The following CLASP1 variants were observed in gnomAD, a reference collection of about 807,000 sequenced individuals.
CLASP1 encodes cytoplasmic linker associated protein 1, also known as CLIP-associating protein 1.
A neutral mutation model predicts 192.3 loss-of-function variants in CLASP1; 38 were observed. The observed-to-expected ratio is 0.20, with a 90% CI of 0.15 to 0.26. CLASP1 has a LOEUF of 0.26. Ranked by LOEUF, CLASP1 falls within the 10% of genes least tolerant of loss-of-function variation. The pLI, the probability that CLASP1 is intolerant of heterozygous loss-of-function variation, is 1.00. For synonymous variants in CLASP1, 691 were observed against 712.8 expected, an observed-to-expected ratio of 0.97 and a Z score of 0.49; for missense variants, 1,433 against 1,932.5, an observed-to-expected ratio of 0.74 and a Z score of 4.85.
intron 37 of CLASP1, among the ~76,000 whole-genome samples, chr2:121,359,156 A>G (rs1361770933): frequency 1.3e-5 from 2 of 152,278 alleles, no homozygotes; most frequent in African/African-American, 2.4e-5. Context: ...TATAATTAGT[A>G]TATCAACTAT....
intron 8 of CLASP1, among the ~76,000 whole-genome samples, chr2:121,489,198 T>C (rs1280789298): frequency 2.0e-5 from 3 of 152,224 alleles, no homozygotes; most frequent in Admixed American, 2.0e-4. Flanking sequence ...GAAAATAGAA[T>C]ATGATACTTA....
At chr2:121,488,816 T>G (rs1430664475) in intron 8 of CLASP1, among the ~76,000 whole-genome samples, 2 of 152,212 alleles carry the variant, frequency 1.3e-5, no homozygotes, top group African/African-American at 4.8e-5. Context: ...AAACAGTATT[T>G]TAATCCTTGT....
chr2:121,567,369 T>C (rs1255002263), intron 2 of CLASP1, among the ~76,000 whole-genome samples: 1 of 152,200 alleles, frequency 6.6e-6, no homozygotes, highest in Non-Finnish European at 1.5e-5. Context: ...ACATGATCCA[T>C]GGGCCAAAGT....
At chr2:121,552,645 A>C (rs2058145511) in intron 2 of CLASP1, among the ~76,000 whole-genome samples, 1 of 152,254 alleles carries the variant, frequency 6.6e-6, no homozygotes, top group African/African-American at 2.4e-5. Context: ...ACAATGAGAT[A>C]CCATCTCACA....
intron 2 of CLASP1, among the ~76,000 whole-genome samples, chr2:121,582,286 AGAGAGAGAAAGAGAAAGG>A: frequency 6.6e-6 from 1 of 150,434 alleles, no homozygotes; most frequent in Non-Finnish European, 1.5e-5. Context: ...GGAGAGAGAG[AGAGAGAGAAAGAGAAAGG>A]GAGAGAGAGA....
intron 1 of CLASP1, among the ~76,000 whole-genome samples, chr2:121,634,454 C>T (rs993122433): frequency 1.3e-5 from 2 of 152,148 alleles, no homozygotes; most frequent in Non-Finnish European, 2.9e-5. Context: ...AGTCTCCCTA[C>T]CCCACCCCAA....
chr2:121,424,997 T>C, intron 22 of CLASP1, 142 bp downstream of exon 22: 1 of 753,190 alleles, frequency 1.3e-6, no homozygotes. Context: ...TGCCATAATC[T>C]GTATAAAGCA....
chr2:121,370,437 T>C (rs183234669), intron 34 of CLASP1, among the ~76,000 whole-genome samples: 2 of 152,300 alleles, frequency 1.3e-5, no homozygotes, highest in East Asian at 3.9e-4. Flanking sequence ...GCGATTCTCC[T>C]GCCTCAGCCT....
chr2:121,435,988 T>G (rs1574804644), intron 19 of CLASP1, among the ~76,000 whole-genome samples: 1 of 152,178 alleles, frequency 6.6e-6, no homozygotes, highest in African/African-American at 2.4e-5. Flanking sequence ...GTAGGTAGTT[T>G]CTTTTTCTAG....
intron 5 of CLASP1, among the ~76,000 whole-genome samples, chr2:121,527,152 G>A (rs1174433135): frequency 3.3e-5 from 5 of 152,216 alleles, no homozygotes; most frequent in African/African-American, 1.2e-4. Context: ...ATCCAAGAGA[G>A]ATGGAAACTT....
chr2:121,446,386 C>A (rs138122972), intron 19 of CLASP1, among the ~76,000 whole-genome samples: 24 of 152,258 alleles, frequency 1.6e-4, no homozygotes, highest in African/African-American at 5.5e-4. Flanking sequence ...AATGGCAGAC[C>A]CTAAAATCTT....
At chr2:121,346,066 C>T (rs1326527413) in intron 39 of CLASP1, among the ~76,000 whole-genome samples, 1 of 152,232 alleles carries the variant, frequency 6.6e-6, no homozygotes, top group Admixed American at 6.5e-5. Context: ...CCAGCTGTAT[C>T]AAAGCAACAG....
At chr2:121,639,231 T>A (rs1253857263) in intron 1 of CLASP1, among the ~76,000 whole-genome samples, 2 of 151,658 alleles carry the variant, frequency 1.3e-5, no homozygotes, top group Non-Finnish European at 2.9e-5. Context: ...GAGCCAAGAT[T>A]GCGACACTGC....
intron 1 of CLASP1, among the ~76,000 whole-genome samples, chr2:121,614,177 C>T (rs1472006526): frequency 1.3e-5 from 2 of 152,158 alleles, no homozygotes; most frequent in Admixed American, 6.6e-5. Flanking sequence ...TTGGTAAAAG[C>T]AAGTCACAAG....
chr2:121,637,082 T>C (rs2071020443), intron 1 of CLASP1, among the ~76,000 whole-genome samples: 1 of 152,138 alleles, frequency 6.6e-6, no homozygotes, highest in South Asian at 2.1e-4. Flanking sequence ...ACATATACTC[T>C]CCTACCCCAA....
chr2:121,377,900 C>A (rs151004393), intron 33 of CLASP1, among the ~76,000 whole-genome samples: 110 of 151,972 alleles, frequency 7.2e-4, no homozygotes, highest in African/African-American at 2.5e-3. Flanking sequence ...ACAGTAACCA[C>A]GAGAATGCAG....
intron 8 of CLASP1, among the ~76,000 whole-genome samples, chr2:121,500,968 C>A (rs2093733915): frequency 6.6e-6 from 1 of 152,272 alleles, no homozygotes; most frequent in South Asian, 2.1e-4. Context: ...TACCTAGCCA[C>A]TTAGAATAAA....
rs181347906 is a variant in CLASP1 at position 121,571,887 on chromosome 2, G to A, written c.195+33814C>T. 2.6e-5 allele frequency among the ~76,000 whole-genome samples: 4 copies of A among 152,110 alleles called. No homozygotes were observed. The East Asian group carries it at 7.7e-4, about 29-fold the overall frequency. On this transcript the variant is annotated intron_variant, in intron 2 of 39. Coordinates refer to ENST00000263710, the Ensembl canonical transcript of CLASP1. The stretch of plus-strand genomic sequence containing the variant: ...TTTGGGCTTTCTTGTTTAGGCAGCA[G>A]AGAACTCAAGGCTTCGGAGCAGGGA...
intron 26 of CLASP1, 123 bp downstream of exon 27, chr2:121,404,247 CG>C (rs1231749991): frequency 6.9e-7 from 1 of 1,454,846 alleles, no homozygotes; most frequent in East Asian, 2.6e-5. Context: ...GTGCTGAAAC[CG>C]GTGTGACTCT....
Sources: allele counts gnomAD v4.1 joint callset (sites outside exome capture counted in the v4.1 genomes callset), GRCh38; gene constraint gnomAD v4.1.1; transcripts MANE v1.5; gene names NCBI Gene and HGNC (gene_info 2026-07-23, HGNC 2026-07-21).